Variants in CSMD1 observed in about 807,000 individuals in gnomAD.
CSMD1 encodes the protein CUB and Sushi multiple domains 1, also known as CUB and sushi domain-containing protein 1.
Under a neutral mutation model 417.5 loss-of-function variants are expected in CSMD1, and 213 were observed. That is an observed-to-expected ratio of 0.51 (90% CI 0.46 to 0.57). The LOEUF is 0.57. Ranked by LOEUF, CSMD1 falls within the 20% of genes least tolerant of loss-of-function variation. CSMD1 has a pLI of 0.00. For synonymous variants in CSMD1, 2,862 were observed against 1,736.8 expected (o/e 1.65, Z -16.11); for missense variants, 6,923 against 4,529.7 (o/e 1.53, Z -15.17).
chr8:3,741,456 G>A (rs967223571), intron 6 of CSMD1, among the ~76,000 whole-genome samples: 2 of 152,148 alleles, frequency 1.3e-5, no homozygotes, highest in Non-Finnish European at 1.5e-5. Flanking sequence ...CATCATGACA[G>A]AGGGAGTAGC....
chr8:3,292,220 A>G (rs978569416), intron 25 of CSMD1, among the ~76,000 whole-genome samples: 1 of 151,986 alleles, frequency 6.6e-6, no homozygotes, highest in Non-Finnish European at 1.5e-5. Flanking sequence ...GTTCCTTTAC[A>G]TTTGCTGAGG....
intron 3 of CSMD1, among the ~76,000 whole-genome samples, chr8:4,189,436 T>G (rs1798884239): frequency 6.6e-6 from 1 of 152,176 alleles, no homozygotes; most frequent in Admixed American, 6.5e-5. Flanking sequence ...AAAAAAACAG[T>G]AGTCCAGCAA....
At chr8:4,309,783 A>T (rs1798455334) in intron 3 of CSMD1, among the ~76,000 whole-genome samples, 1 of 152,210 alleles carries the variant, frequency 6.6e-6, no homozygotes. Context: ...AATGAAGCAT[A>T]GAAACCTCAC....
intron 1 of CSMD1, among the ~76,000 whole-genome samples, chr8:4,926,226 T>A (rs1340485416): frequency 1.3e-5 from 2 of 152,230 alleles, no homozygotes; most frequent in Non-Finnish European, 2.9e-5. Context: ...GCTATTACAT[T>A]TATTTTTTCT....
At chr8:2,953,652 T>TAAAAACTTTCCTTGGG in intron 65 of CSMD1, among the ~76,000 whole-genome samples, 1 of 152,302 alleles carries the variant, frequency 6.6e-6, no homozygotes, top group African/African-American at 2.4e-5. Context: ...TTTTGTATAG[T>TAAAAACTTTCCTTGGG]AAAAACTTTC....
intron 49 of CSMD1, among the ~76,000 whole-genome samples, chr8:3,068,973 T>C (rs1057175674): frequency 5.3e-5 from 8 of 152,106 alleles, no homozygotes; most frequent in African/African-American, 1.9e-4. Context: ...AAGCCAAAAG[T>C]TCATAACTCA....
At chr8:3,214,839 G>A in intron 29 of CSMD1, 148 bp from the exon 30 acceptor site, 1 of 491,534 alleles carries the variant, frequency 2.0e-6, no homozygotes, top group Non-Finnish European at 3.5e-6. Flanking sequence ...AATATTTATT[G>A]ATTGGCTATT....
chr8:3,661,639 G>A (rs954229530), intron 7 of CSMD1, among the ~76,000 whole-genome samples: 13 of 152,214 alleles, frequency 8.5e-5, no homozygotes, highest in African/African-American at 2.6e-4. Context: ...TGGCATTACA[G>A]GTATCCACCA....
intron 4 of CSMD1, among the ~76,000 whole-genome samples, chr8:4,022,074 G>C (rs950386826): frequency 3.5e-5 from 5 of 141,356 alleles, no homozygotes; most frequent in African/African-American, 1.0e-4. Flanking sequence ...AATACATATG[G>C]GAGCATGTAT....
chr8:3,064,810 A>G (rs1489935239), intron 49 of CSMD1, among the ~76,000 whole-genome samples: 2 of 152,230 alleles, frequency 1.3e-5, no homozygotes, highest in Non-Finnish European at 2.9e-5. Flanking sequence ...GAGGTTAAGC[A>G]AATTCCAACT....
chr8:3,174,001 C>G (rs1210755591), intron 37 of CSMD1, among the ~76,000 whole-genome samples: 1 of 152,104 alleles, frequency 6.6e-6, no homozygotes, highest in African/African-American at 2.4e-5. Context: ...ATACTTCCTT[C>G]TAAGTACCTG....
chr8:4,595,308 T>A (rs986787651), intron 2 of CSMD1, among the ~76,000 whole-genome samples: 6 of 151,850 alleles, frequency 4.0e-5, no homozygotes, highest in African/African-American at 1.5e-4. Flanking sequence ...AGATAAAGGG[T>A]GATTTCTAAG....
At chr8:3,662,260 G>T (rs935873383) in intron 7 of CSMD1, among the ~76,000 whole-genome samples, 1 of 152,218 alleles carries the variant, frequency 6.6e-6, no homozygotes, top group Non-Finnish European at 1.5e-5. Context: ...CCAGATGGGA[G>T]CATTTTTATT....
chr8:3,321,615 C>G (rs1378262656), intron 23 of CSMD1, among the ~76,000 whole-genome samples: 2 of 152,184 alleles, frequency 1.3e-5, no homozygotes, highest in East Asian at 3.8e-4. Flanking sequence ...TCCTCTGAGT[C>G]TGGCAGTGAA....
At chr8:3,732,115 G>A (rs986961301) in intron 6 of CSMD1, among the ~76,000 whole-genome samples, 1 of 152,164 alleles carries the variant, frequency 6.6e-6, no homozygotes, top group Admixed American at 6.5e-5. Flanking sequence ...GAGGGCCTTG[G>A]AGGAGAGGGC....
chr8:4,305,837 C>A (rs73502685), intron 3 of CSMD1, among the ~76,000 whole-genome samples: 8 of 152,026 alleles, frequency 5.3e-5, no homozygotes, highest in African/African-American at 1.7e-4. Flanking sequence ...CTGTAACTTG[C>A]CGATCTTGTA....
intron 4 of CSMD1, among the ~76,000 whole-genome samples, chr8:4,008,840 G>C (rs768021341): frequency 5.3e-5 from 8 of 151,786 alleles, no homozygotes; most frequent in East Asian, 1.9e-4. Context: ...TCGATCTCCT[G>C]ACCTCCTGAT....
intron 5 of CSMD1, among the ~76,000 whole-genome samples, chr8:3,829,244 G>C (rs1393575102): frequency 1.3e-5 from 2 of 152,020 alleles, no homozygotes; most frequent in Non-Finnish European, 2.9e-5. Flanking sequence ...CATCCTCATA[G>C]CTTAGCTCCC....
At chr8:4,233,258 G>C (rs1002427839) in intron 3 of CSMD1, among the ~76,000 whole-genome samples, 1 of 152,124 alleles carries the variant, frequency 6.6e-6, no homozygotes, top group African/African-American at 2.4e-5. Flanking sequence ...GGGAAGATCA[G>C]CTTCTTTGTA....
Sources: allele counts gnomAD v4.1 joint callset (sites outside exome capture counted in the v4.1 genomes callset), GRCh38; gene constraint gnomAD v4.1.1; transcripts MANE v1.5; gene names NCBI Gene and HGNC (gene_info 2026-07-23, HGNC 2026-07-21).